Variants in C12orf42 observed in about 807,000 individuals in gnomAD.
C12orf42 encodes chromosome 12 open reading frame 42, also known as uncharacterized protein C12orf42.
A neutral mutation model predicts 21.6 loss-of-function variants in C12orf42; 25 were observed. The observed-to-expected ratio is 1.16, with a 90% CI of 0.84 to 1.62. The LOEUF is 1.62. C12orf42 is among the 40% of genes most tolerant of loss of function. The pLI is 0.00. For missense variants in C12orf42, 483 were observed against 459.3 expected (o/e 1.05, Z -0.47); for synonymous variants, 174 against 175.0 (o/e 0.99, Z 0.05).
At chr12:103,218,478 T>C in the C12orf42 span, among the ~76,000 whole-genome samples, 2 of 152,278 alleles carry the variant, frequency 1.3e-5, no homozygotes, top group Non-Finnish European at 1.5e-5. Flanking sequence ...GTACTGAGCA[T>C]AGGGATTTGA....
intron 4 of C12orf42, among the ~76,000 whole-genome samples, chr12:103,330,559 G>C (rs1196966342): frequency 6.6e-6 from 1 of 152,186 alleles, no homozygotes; most frequent in African/African-American, 2.4e-5. Context: ...ATTTGTTTCA[G>C]ATAGTCGGCC....
At chr12:103,158,182 G>A in the C12orf42 span, among the ~76,000 whole-genome samples, 4 of 152,162 alleles carry the variant, frequency 2.6e-5, no homozygotes, top group South Asian at 2.1e-4. Flanking sequence ...AATGTCTGAT[G>A]AGATGAATTT....
chr12:103,269,733 G>C (rs929194288), intron 6 of C12orf42: 1 of 152,136 alleles, frequency 6.6e-6, no homozygotes, highest in Non-Finnish European at 1.5e-5. Context: ...ATGCTCTAGT[G>C]GAGAGGGACA....
the C12orf42 span, among the ~76,000 whole-genome samples, chr12:103,085,682 A>C: frequency 6.6e-6 from 1 of 152,138 alleles, no homozygotes; most frequent in Admixed American, 6.5e-5. Context: ...CGTGCCATTC[A>C]TTTACAGAAA....
chr12:103,093,599 G>T, the C12orf42 span, among the ~76,000 whole-genome samples: 1 of 152,096 alleles, frequency 6.6e-6, no homozygotes, highest in Non-Finnish European at 1.5e-5. Flanking sequence ...GGAATTAGGT[G>T]GGCTCCAGGA....
chr12:103,468,868 T>G (rs1349581537), intron 2 of C12orf42, among the ~76,000 whole-genome samples: 1 of 152,238 alleles, frequency 6.6e-6, no homozygotes, highest in African/African-American at 2.4e-5. Context: ...GAGACATTTG[T>G]GCTGGTGATG....
At chr12:103,229,898 T>G in the C12orf42 span, among the ~76,000 whole-genome samples, 1 of 152,176 alleles carries the variant, frequency 6.6e-6, no homozygotes, top group African/African-American at 2.4e-5. Flanking sequence ...CTGTGGGAAA[T>G]GTCAAGAAGC....
chr12:103,202,389 AC>A, the C12orf42 span, among the ~76,000 whole-genome samples: 1 of 152,162 alleles, frequency 6.6e-6, no homozygotes, highest in Non-Finnish European at 1.5e-5. Flanking sequence ...CTCTACAAAT[AC>A]TTCTTCTTTC....
the C12orf42 span, among the ~76,000 whole-genome samples, chr12:103,225,884 G>A: frequency 6.6e-6 from 1 of 152,166 alleles, no homozygotes; most frequent in Non-Finnish European, 1.5e-5. Flanking sequence ...AGAGTTACCC[G>A]AAGCTCGGCG....
chr12:103,358,092 A>G (rs1354850443), intron 4 of C12orf42, among the ~76,000 whole-genome samples: 1 of 152,024 alleles, frequency 6.6e-6, no homozygotes. Flanking sequence ...GTTTCTCATC[A>G]TCTTAGGCTC....
chr12:103,403,146 C>A (rs555219991), intron 2 of C12orf42, among the ~76,000 whole-genome samples: 1 of 151,996 alleles, frequency 6.6e-6, no homozygotes, highest in African/African-American at 2.4e-5. Flanking sequence ...GAGGCCGAGG[C>A]GGGCGGATCA....
chr12:103,132,409 T>C, the C12orf42 span, among the ~76,000 whole-genome samples: 4 of 152,062 alleles, frequency 2.6e-5, no homozygotes, highest in African/African-American at 7.2e-5. Flanking sequence ...CACTACTGCA[T>C]CTTAGCCACA....
intron 4 of C12orf42, among the ~76,000 whole-genome samples, chr12:103,292,571 C>T (rs1008222300): frequency 7.2e-5 from 11 of 152,018 alleles, no homozygotes; most frequent in Non-Finnish European, 1.0e-4. Context: ...ATGCAATCAA[C>T]ACTATCAGTA....
At chr12:103,293,280 C>T (rs1025142712) in intron 4 of C12orf42, among the ~76,000 whole-genome samples, 2 of 151,534 alleles carry the variant, frequency 1.3e-5, no homozygotes, top group South Asian at 4.2e-4. Context: ...TTGCCTTACT[C>T]AGAGATGGAT....
chr12:103,146,560 A>AAAAGAAAGAAAGAAAGAATGAAAG, the C12orf42 span, among the ~76,000 whole-genome samples: 4,262 of 119,982 alleles, frequency 0.036, 103 homozygotes, highest in East Asian at 0.081. Context: ...ATAAAGAAAG[A>AAAAGAAAGAAAGAAAGAATGAAAG]AAAGAAAGAA....
the C12orf42 span, among the ~76,000 whole-genome samples, chr12:103,077,791 G>C: frequency 6.6e-6 from 1 of 152,254 alleles, no homozygotes; most frequent in East Asian, 1.9e-4. Flanking sequence ...GTTATGGAAG[G>C]GTTCCATCTG....
chr12:103,100,730 G>T, the C12orf42 span, among the ~76,000 whole-genome samples: 1 of 152,178 alleles, frequency 6.6e-6, no homozygotes, highest in Non-Finnish European at 1.5e-5. Context: ...GACAAGATAG[G>T]TTAGCGTGAC....
intron 2 of C12orf42, 61 bp from the exon 3 acceptor site, chr12:103,401,736 C>T: frequency 6.7e-7 from 1 of 1,499,702 alleles, no homozygotes; most frequent in Non-Finnish European, 9.2e-7. Context: ...AGAAACATTT[C>T]CATTCCTGAG....
chr12:103,064,568 C>A, the C12orf42 span, among the ~76,000 whole-genome samples: 1 of 152,190 alleles, frequency 6.6e-6, no homozygotes, highest in African/African-American at 2.4e-5. Flanking sequence ...AAAATCATGG[C>A]CCCTCAATCA....
Sources: gnomAD v4.1 joint callset for allele counts (sites outside exome capture counted in the v4.1 genomes callset) on GRCh38, gnomAD v4.1.1 for gene constraint, MANE v1.5 for transcripts, NCBI Gene and HGNC (gene_info 2026-07-23, HGNC 2026-07-21) for gene names.